Variants in GRIK5 observed in about 807,000 individuals in gnomAD.
GRIK5 encodes the protein glutamate receptor ionotropic, kainate 5.
GRIK5 carries 43 observed loss-of-function variants against 97.4 expected under a neutral mutation model. That is an observed-to-expected ratio of 0.44 (90% CI 0.35 to 0.57). The LOEUF (loss-of-function observed/expected upper bound fraction) is 0.57. Ranked by LOEUF, GRIK5 falls within the 20% of genes least tolerant of loss-of-function variation. The pLI is 0.01. For missense variants in GRIK5, 1,015 were observed against 1,382.0 expected (o/e 0.73, Z 4.21); for synonymous variants, 580 against 583.5 (o/e 0.99, Z 0.09).
intron 11 of GRIK5, among the ~76,000 whole-genome samples, chr19:42,043,613 T>C (rs1291011802): frequency 6.6e-6 from 1 of 152,034 alleles, no homozygotes; most frequent in Non-Finnish European, 1.5e-5. Flanking sequence ...GGTTTCACCA[T>C]GTTGGCCAGG....
chr19:42,041,786 C>T (rs1020314593), intron 12 of GRIK5, among the ~76,000 whole-genome samples: 1 of 152,160 alleles, frequency 6.6e-6, no homozygotes, highest in Non-Finnish European at 1.5e-5. Context: ...TCCCACACCC[C>T]CTTCACCTTG....
chr19:42,054,154 A>T (rs925642317), intron 9 of GRIK5, among the ~76,000 whole-genome samples, 166 bp downstream of exon 9: 1 of 152,064 alleles, frequency 6.6e-6, no homozygotes, highest in African/African-American at 2.4e-5. Flanking sequence ...AGAAAGAGAG[A>T]GAGAGAGTAA....
chr19:42,019,635 C>T (rs933408451), intron 15 of GRIK5, among the ~76,000 whole-genome samples: 4 of 152,104 alleles, frequency 2.6e-5, no homozygotes, highest in African/African-American at 9.7e-5. Flanking sequence ...CTGGATTATC[C>T]AGGAAGGCCC....
intron 12 of GRIK5, among the ~76,000 whole-genome samples, chr19:42,041,853 C>T (rs1184392636): frequency 6.6e-6 from 1 of 152,154 alleles, no homozygotes; most frequent in Non-Finnish European, 1.5e-5. Flanking sequence ...CTGGGAAGCC[C>T]TACTGGGATA....
At chr19:42,012,052 A>C (rs2075569038) in intron 15 of GRIK5, among the ~76,000 whole-genome samples, 1 of 152,228 alleles carries the variant, frequency 6.6e-6, no homozygotes, top group Non-Finnish European at 1.5e-5. Flanking sequence ...GCAGGTTGGT[A>C]GATTTAAACC....
chr19:42,033,328 A>AC (rs1275519786), intron 12 of GRIK5, among the ~76,000 whole-genome samples: 1 of 151,998 alleles, frequency 6.6e-6, no homozygotes, highest in East Asian at 1.9e-4. Flanking sequence ...AAAAAAAAAA[A>AC]AAAAAAAAAA....
chr19:42,031,804 A>G (rs1337402264), intron 12 of GRIK5, among the ~76,000 whole-genome samples: 1 of 152,232 alleles, frequency 6.6e-6, no homozygotes, highest in African/African-American at 2.4e-5. Flanking sequence ...ATCCTAAGAA[A>G]ATAGGCTGCA....
In GRIK5 at chr19:42,006,806, C is replaced by G. The variant is rs2075496803; in HGVS notation, c.1876G>C (p.Ala626Pro). ...GAGGAGATGATGATCAAGGTGAAGG[C>G]CCACCTGAAGGGTGGGAGGGGTGAG... ...STRCVSGVWW[A>P]FTLIIISSYT... Residue 626 changes from alanine (A) to proline (P), a missense_variant, in exon 16 of 20, where the codon GCC (alanine) becomes CCC (proline). Transcript: ENST00000593562. The surrounding 1 kb of genome is among the most constrained non-coding windows in gnomAD (Gnocchi z 5.3). 6.2e-7 allele frequency: 1 copy of G among 1,600,690 alleles called. No individual in the cohort carries two copies. Among genetic ancestry groups the G allele is most frequent in the Non-Finnish European group, 8.5e-7 (1 of 1,172,400 alleles).
intron 15 of GRIK5, among the ~76,000 whole-genome samples, chr19:42,013,706 G>A (rs1052667151): frequency 1.3e-5 from 2 of 151,956 alleles, no homozygotes; most frequent in East Asian, 1.9e-4. Context: ...CACCGCGCCC[G>A]GCCTAAAAGC....
intron 8 of GRIK5, among the ~76,000 whole-genome samples, chr19:42,055,987 T>C (rs1400440285): frequency 6.7e-6 from 1 of 149,240 alleles, no homozygotes; most frequent in Admixed American, 6.7e-5. Context: ...CTGGCCAATT[T>C]ACTTTTTTTT....
At chr19:42,019,395 T>C (rs777722898) in intron 15 of GRIK5, among the ~76,000 whole-genome samples, 1 of 152,220 alleles carries the variant, frequency 6.6e-6, no homozygotes, top group Non-Finnish European at 1.5e-5. Context: ...TCTCTTACTG[T>C]ATCCTGTTTG....
chr19:42,061,356 T>C (rs1450633045), intron 5 of GRIK5, among the ~76,000 whole-genome samples: 1 of 152,032 alleles, frequency 6.6e-6, no homozygotes, highest in African/African-American at 2.4e-5. Context: ...AAATACCTTT[T>C]TTTTAAGAGA....
At position 42,042,757 on chromosome 19, in the gene GRIK5, TG is replaced by T. The variant is rs1464387482; in HGVS notation, c.1270-3del. On this transcript the variant is annotated splice_polypyrimidine_tract_variant and splice_region_variant and intron_variant, in intron 11 of 19. Coordinates refer to ENST00000593562, the MANE Select transcript of GRIK5 (RefSeq NM_002088.5). The surrounding 1 kb of genome is among the most constrained non-coding windows in gnomAD (Gnocchi z 6.9). ...CCGGCGCATGACGTATGGGTTCTCC[TG>T]GGTGGGCAGAAGAAAGCAGGGGTCA... The T allele has an allele frequency of 6.2e-7, 1 of 1,610,960 alleles. No individual in the cohort carries two copies. Among genetic ancestry groups the T allele is most frequent in the Admixed American group, 1.7e-5 (1 of 59,836 alleles).
At position 42,005,727 on chromosome 19, in the gene GRIK5, C is replaced by A. The variant is rs375040829; in HGVS notation, c.2259G>T (p.Pro753=). The A allele has an allele frequency of 2.5e-6, 4 of 1,607,686 alleles. No homozygotes were observed. Among genetic ancestry groups the A allele is most frequent in the African/African-American group, 1.3e-5 (1 of 74,768 alleles). The change falls in exon 17 of 20, where the codon CCG becomes CCT. Residue 753 remains proline, a synonymous_variant. Transcript: ENST00000593562. ...CCACACCGTGCTGTGCCGTACCCAG[C>A]GGCATGCCAATGCCGTAGCCCTTGG... is the stretch of plus-strand genomic sequence containing the variant. ...LDTKGYGIGM[P]LGSPFRDEIT...
In GRIK5 at chr19:42,065,660, G is replaced by C; in HGVS notation, c.79+32C>G. ...TCCCCAGAGGAGCCCCAGGGCCTGA[G>C]GATGCAGGGGCAGGGTGCGGGAGGG... On this transcript the variant is annotated intron_variant, in intron 2 of 19. Transcript: ENST00000593562. The surrounding 1 kb of genome is among the most constrained non-coding windows in gnomAD (Gnocchi z 5.8). The C allele has an allele frequency of 6.6e-7, 1 of 1,523,984 alleles. No individual in the cohort carries two copies. The highest frequency in any genetic ancestry group is 8.9e-7 in the Non-Finnish European group (1 of 1,125,418). The allele number at this position is 1,523,984 out of a possible 1,614,324, so 94.4% of individuals were successfully genotyped here.
At chr19:42,000,948 C>G (rs781928946) in intron 19 of GRIK5, among the ~76,000 whole-genome samples, 1 of 152,256 alleles carries the variant, frequency 6.6e-6, no homozygotes, top group African/African-American at 2.4e-5. Context: ...ATCTTGCAGG[C>G]TGGGGAGAGA....
chr19:42,034,043 T>G (rs1371015913), intron 12 of GRIK5, among the ~76,000 whole-genome samples: 1 of 151,636 alleles, frequency 6.6e-6, no homozygotes, highest in African/African-American at 2.4e-5. Flanking sequence ...CTTAAAACCT[T>G]CCAGTGGCTC....
intron 6 of GRIK5, among the ~76,000 whole-genome samples, chr19:42,058,338 G>A (rs573211475): frequency 6.0e-5 from 9 of 150,966 alleles, no homozygotes; most frequent in African/African-American, 1.7e-4. Context: ...CCGCCACCAC[G>A]CCCGGCTAAT....
At chr19:42,063,964 C>G (rs970089780) in intron 3 of GRIK5, among the ~76,000 whole-genome samples, 3 of 152,316 alleles carry the variant, frequency 2.0e-5, no homozygotes, top group Non-Finnish European at 4.4e-5. Context: ...CTGGACCTTC[C>G]ACACTGGTAA....
Sources: allele counts gnomAD v4.1 joint callset (sites outside exome capture counted in the v4.1 genomes callset), GRCh38; gene constraint gnomAD v4.1.1; non-coding constraint Gnocchi (gnomAD v3.1); transcripts MANE v1.5; gene names NCBI Gene and HGNC (gene_info 2026-07-23, HGNC 2026-07-21).